Variants in ADGRG6 observed in about 807,000 individuals in gnomAD.
ADGRG6 encodes the protein G-protein coupled receptor 126.
ADGRG6 carries 84 observed loss-of-function variants against 142.4 expected under a neutral mutation model. The observed-to-expected ratio is 0.59, with a 90% CI of 0.49 to 0.71. The LOEUF (loss-of-function observed/expected upper bound fraction) is 0.71. ADGRG6 is among the 30% of genes least tolerant of loss of function. The probability of loss-of-function intolerance (pLI) is 0.00; values close to 1 mark genes in which losing one functional copy is unlikely to be tolerated. For missense variants in ADGRG6, 1,367 were observed against 1,466.6 expected (o/e 0.93, Z 1.11); for synonymous variants, 521 against 520.5 (o/e 1.00, Z -0.01).
At chr6:142,402,866 T>C (rs753033316) in intron 13 of ADGRG6, 36 bp downstream of exon 13, 3 of 1,123,492 alleles carry the variant, frequency 2.7e-6, no homozygotes, top group Admixed American at 2.1e-5. Flanking sequence ...GTAAATTTTA[T>C]TGGATAATGA....
Position 142,367,718 on chromosome 6 carries a change from G to T in ADGRG6, c.253G>T (p.Asp85Tyr). ...TTATATCATTCAGATAACATTTAACGACTTTGACATTGAAGAAGCTCCCAA... is the reference window on the plus strand; with the variant it reads ...TTATATCATTCAGATAACATTTAACTACTTTGACATTGAAGAAGCTCCCAA... ...TGYIIQITFN[D>Y]FDIEEAPNCI... The change falls in exon 3 of 25, where the codon GAC becomes TAC. Residue 85 changes from aspartate to tyrosine, a missense_variant. Physicochemically the swap from Asp to Tyr is radical, Grantham distance 160 (BLOSUM62 -3). Coordinates refer to ENST00000367609, the MANE Select transcript of ADGRG6 (RefSeq NM_198569.3). 4 of 1,613,822 alleles carry T rather than the reference G, an allele frequency of 2.5e-6. No individual in the cohort carries two copies. The highest frequency in any genetic ancestry group is 3.4e-6 in the Non-Finnish European group (4 of 1,179,832).
intron 2 of ADGRG6, among the ~76,000 whole-genome samples, chr6:142,344,296 A>G (rs1779794101): frequency 6.6e-6 from 1 of 151,978 alleles, no homozygotes; most frequent in African/African-American, 2.4e-5. Flanking sequence ...AATATAAACA[A>G]GCTTTTCTTT....
chr6:142,346,032 T>G (rs1779882630), intron 2 of ADGRG6, among the ~76,000 whole-genome samples: 1 of 152,186 alleles, frequency 6.6e-6, no homozygotes, highest in Non-Finnish European at 1.5e-5. Flanking sequence ...TTAGTTCCTG[T>G]GAAGGGAAAT....
chr6:142,404,147 G>A (rs371921534), intron 14 of ADGRG6, 174 bp downstream of exon 14: 17 of 595,576 alleles, frequency 2.9e-5, no homozygotes, highest in African/African-American at 2.8e-4. Context: ...AGCTCAGAGT[G>A]GGTATGCTTT....
chr6:142,414,404 A>G (rs984925849), intron 18 of ADGRG6, among the ~76,000 whole-genome samples: 1 of 152,210 alleles, frequency 6.6e-6, no homozygotes, highest in African/African-American at 2.4e-5. Context: ...CTCAGTTATG[A>G]AAATAAAGAC....
At chr6:142,351,926 C>T (rs1780198573) in intron 2 of ADGRG6, among the ~76,000 whole-genome samples, 1 of 152,106 alleles carries the variant, frequency 6.6e-6, no homozygotes, top group Admixed American at 6.5e-5. Flanking sequence ...CCATCTCACA[C>T]CAGTCATAAT....
chr6:142,402,639 T>C lies in ADGRG6; in HGVS notation c.1764T>C (p.Ala588=). The change falls in exon 13 of 25, where the codon GCT becomes GCC. Residue 588 remains alanine (A), a synonymous_variant. Coordinates refer to ENST00000367609, the MANE Select transcript of ADGRG6 (RefSeq NM_198569.3). Reference sequence around the variant, plus strand: ...TTTTAGAAGAAGCAAATGAAGTTGCTAACCAGATTTTAAATTTAACTGCTG... The same window carrying C: ...TTTTAGAAGAAGCAAATGAAGTTGCCAACCAGATTTTAAATTTAACTGCTG... ...SNCLKEANEV[A]NQILNLTADG... The C allele has an allele frequency of 6.3e-7, 1 of 1,594,228 alleles. No individual in the cohort carries two copies. The highest frequency in any genetic ancestry group is 8.6e-7 in the Non-Finnish European group (1 of 1,165,768).
chr6:142,341,407 AT>A (rs1779614772), intron 2 of ADGRG6, among the ~76,000 whole-genome samples: 1 of 122,836 alleles, frequency 8.1e-6, no homozygotes, highest in South Asian at 2.2e-4. Flanking sequence ...TATATAATAT[AT>A]TATATAATAT....
intron 18 of ADGRG6, among the ~76,000 whole-genome samples, chr6:142,413,850 C>T (rs1176974891): frequency 6.6e-6 from 1 of 151,564 alleles, no homozygotes; most frequent in African/African-American, 2.4e-5. Flanking sequence ...GATACTGTAC[C>T]TGTTCTTTAC....
Position 142,400,479 on chromosome 6 carries a change from A to G in ADGRG6, c.1568-6A>G, listed in dbSNP as rs375441704. The G allele has an allele frequency of 1.8e-4, 238 of 1,343,722 alleles. No individual in the cohort carries two copies. Among genetic ancestry groups the G allele is most frequent in the Non-Finnish European group, 2.4e-4 (222 of 934,602 alleles). The allele number at this position is 1,343,722 out of a possible 1,614,324, so 83.2% of individuals were successfully genotyped here. ...ATTTCTCATGCTGGTTCTTATGTTC[A>G]TATAGGTCATTGTCTTGCCATGGAG... On this transcript the variant is annotated splice_region_variant and splice_polypyrimidine_tract_variant and intron_variant, in intron 10 of 24. Coordinates refer to ENST00000367609, the MANE Select transcript of ADGRG6 (RefSeq NM_198569.3).
rs1050670902 is a variant in ADGRG6, at chr6:142,348,622, G to A, written c.104-18947G>A. On this transcript the variant is annotated intron_variant, in intron 2 of 24. Coordinates refer to ENST00000367609, the MANE Select transcript of ADGRG6 (RefSeq NM_198569.3). ...TGAGCAAAGCAATATTTGAATGTGA[G>A]GGGTGGTTTTTTTTTTTTAGATATT... 2.0e-5 allele frequency among the ~76,000 whole-genome samples: 3 copies of A among 151,040 alleles called. No individual in the cohort carries two copies. The South Asian group carries it at 6.2e-4, about 31-fold the overall frequency.
intron 2 of ADGRG6, among the ~76,000 whole-genome samples, chr6:142,363,150 C>G (rs549240851): frequency 6.6e-6 from 1 of 152,200 alleles, no homozygotes; most frequent in East Asian, 1.9e-4. Context: ...TTAACACAGT[C>G]TAGAAGAAGC....
intron 2 of ADGRG6, among the ~76,000 whole-genome samples, chr6:142,320,371 A>G (rs537579717): frequency 6.8e-4 from 104 of 152,212 alleles, no homozygotes; most frequent in African/African-American, 2.5e-3. Flanking sequence ...AGCACACACC[A>G]AGCATTAAAG....
chr6:142,373,098 C>A (rs1332115244), intron 4 of ADGRG6, among the ~76,000 whole-genome samples: 3 of 152,130 alleles, frequency 2.0e-5, no homozygotes, highest in Non-Finnish European at 4.4e-5. Flanking sequence ...AAATAAGGAA[C>A]CTGAGGCACG....
At chr6:142,363,748 G>T (rs959939313) in intron 2 of ADGRG6, among the ~76,000 whole-genome samples, 2 of 152,082 alleles carry the variant, frequency 1.3e-5, no homozygotes, top group Non-Finnish European at 2.9e-5. Context: ...AGAGATCAAA[G>T]TAATTACTTA....
chr6:142,421,419 A>T (rs961032488), intron 22 of ADGRG6, among the ~76,000 whole-genome samples: 28 of 152,340 alleles, frequency 1.8e-4, no homozygotes, highest in African/African-American at 6.7e-4. Flanking sequence ...CAAAAATTGG[A>T]AAATGAGTAT....
intron 4 of ADGRG6, among the ~76,000 whole-genome samples, chr6:142,380,403 C>T (rs993630786): frequency 2.0e-5 from 3 of 152,006 alleles, no homozygotes; most frequent in African/African-American, 7.2e-5. Context: ...ATCTTGAGTG[C>T]CCACCACTCA....
rs1459667973 is a variant in ADGRG6 at position 142,302,117 on chromosome 6, G to A, written c.-213G>A. 9.3e-6 allele frequency: 5 copies of A among 538,938 alleles called. No individual in the cohort carries two copies. Among genetic ancestry groups the A allele is most frequent in the South Asian group, 2.8e-5 (1 of 35,544 alleles). The allele number at this position is 538,938 out of a possible 1,614,324, so 33.4% of individuals were successfully genotyped here. ...CTGCCGCCAGCCTGCTTCCTCGTCC[G>A]CAGGCCCTGCGCTGAACGCTGCCGC... is the stretch of plus-strand genomic sequence containing the variant. On this transcript the variant is annotated 5_prime_UTR_variant, in exon 1 of 25. Coordinates refer to ENST00000367609, the MANE Select transcript of ADGRG6 (RefSeq NM_198569.3).
At chr6:142,395,024 T>C (rs1385605961) in intron 9 of ADGRG6, among the ~76,000 whole-genome samples, 1 of 152,168 alleles carries the variant, frequency 6.6e-6, no homozygotes, top group Non-Finnish European at 1.5e-5. Context: ...TCAGGTGATA[T>C]CTTCTTACTA....
Sources: allele counts gnomAD v4.1 joint callset (sites outside exome capture counted in the v4.1 genomes callset), GRCh38; gene constraint gnomAD v4.1.1; transcripts MANE v1.5; gene names NCBI Gene and HGNC (gene_info 2026-07-23, HGNC 2026-07-21).